Variants in TRERF1 observed in about 807,000 individuals in gnomAD.
TRERF1 encodes the protein transcriptional regulating factor 1.
In TRERF1, 27 loss-of-function variants were observed where a neutral mutation model predicts 122.9. The ratio of observed to expected loss-of-function variants is 0.22; its 90% CI spans 0.16 to 0.30. TRERF1 has a LOEUF of 0.30. TRERF1 is among the 10% of genes least tolerant of loss of function. The pLI, the probability that TRERF1 is intolerant of heterozygous loss-of-function variation, is 1.00. For synonymous variants in TRERF1, 636 were observed against 641.7 expected, an observed-to-expected ratio of 0.99 and a Z score of 0.13; for missense variants, 1,248 against 1,560.3, an observed-to-expected ratio of 0.80 and a Z score of 3.37.
At chr6:42,385,434 C>T (rs1161695432) in intron 2 of TRERF1, among the ~76,000 whole-genome samples, 1 of 152,198 alleles carries the variant, frequency 6.6e-6, no homozygotes, top group Non-Finnish European at 1.5e-5. Context: ...ACTGGGGCCA[C>T]CACCACCCTG....
chr6:42,435,959 G>A (rs1232180057), intron 2 of TRERF1, among the ~76,000 whole-genome samples: 3 of 151,968 alleles, frequency 2.0e-5, no homozygotes, highest in Admixed American at 6.6e-5. Flanking sequence ...CAGCCCAGGC[G>A]ACAGTGCGAG....
At chr6:42,385,596 C>T (rs1320784927) in intron 2 of TRERF1, among the ~76,000 whole-genome samples, 2 of 152,130 alleles carry the variant, frequency 1.3e-5, no homozygotes, top group African/African-American at 4.8e-5. Flanking sequence ...CGAAACCTAT[C>T]GGGAGTGGCA....
At chr6:42,351,150 TC>T (rs1385075746) in intron 3 of TRERF1, among the ~76,000 whole-genome samples, 1 of 152,194 alleles carries the variant, frequency 6.6e-6, no homozygotes, top group Non-Finnish European at 1.5e-5. Flanking sequence ...TTCACGATAG[TC>T]AAGGATGCCC....
rs770580203 is a variant in TRERF1 at position 42,243,233 on chromosome 6, A to C, written c.2859+15T>G. ...GCTGTCCCAGCACAAGCAACAACTT[A>C]GCAGCTTCACTCACCACACAATCGT... On this transcript the variant is annotated intron_variant, in intron 15 of 17. Coordinates refer to ENST00000372922, the Ensembl canonical transcript of TRERF1. 8 of 1,607,838 alleles carry C rather than the reference A, an allele frequency of 5.0e-6. No individual in the cohort carries two copies. Among genetic ancestry groups the C allele is most frequent in the Non-Finnish European group, 6.8e-6 (8 of 1,174,448 alleles).
intron 3 of TRERF1, among the ~76,000 whole-genome samples, chr6:42,320,830 C>T (rs1290499814): frequency 6.6e-6 from 1 of 151,990 alleles, no homozygotes; most frequent in Admixed American, 6.6e-5. Flanking sequence ...TTTTAAAAGG[C>T]ATAACTTCAA....
intron 3 of TRERF1, among the ~76,000 whole-genome samples, chr6:42,313,406 C>T (rs960524767): frequency 1.3e-5 from 2 of 152,162 alleles, no homozygotes; most frequent in African/African-American, 4.8e-5. Flanking sequence ...GCCAGGAACT[C>T]AATTGCTAAG....
chr6:42,336,424 A>G (rs1410716292), intron 3 of TRERF1, among the ~76,000 whole-genome samples: 2 of 152,034 alleles, frequency 1.3e-5, no homozygotes, highest in Non-Finnish European at 1.5e-5. Context: ...AGCCTCTGAG[A>G]TCATCATAGA....
intron 14 of TRERF1, among the ~76,000 whole-genome samples, chr6:42,244,173 C>T (rs1345028981): frequency 6.6e-6 from 1 of 150,906 alleles, no homozygotes. Context: ...TGAGTCACAA[C>T]ACCCATTCCA....
intron 2 of TRERF1, among the ~76,000 whole-genome samples, chr6:42,422,734 C>G (rs73733196): frequency 0.042 from 6,429 of 152,064 alleles, 462 homozygotes; most frequent in African/African-American, 0.15. Flanking sequence ...ACTCTGTGCC[C>G]CTTCCATCAC....
intron 2 of TRERF1, among the ~76,000 whole-genome samples, chr6:42,392,812 T>C (rs1285238427): frequency 6.6e-6 from 1 of 152,138 alleles, no homozygotes; most frequent in Non-Finnish European, 1.5e-5. Context: ...AGGTGACCTA[T>C]AAATTCAAAC....
chr6:42,267,363 G>A (rs1779397902), intron 5 of TRERF1, among the ~76,000 whole-genome samples: 1 of 152,126 alleles, frequency 6.6e-6, no homozygotes, highest in South Asian at 2.1e-4. Flanking sequence ...AGGCACAGTG[G>A]CTCACACCTG....
Position 42,277,912 on chromosome 6 carries a change from GAAGAA to G in TRERF1, c.-258-8069_-258-8065del, listed in dbSNP as rs1387620673. Among the ~76,000 whole-genome samples, 119 of 72,434 alleles carry G rather than the reference GAAGAA, an allele frequency of 1.6e-3. 1 individual carries two copies. Among genetic ancestry groups the G allele is most frequent in the Middle Eastern group, 6.0e-3 (1 of 166 alleles). The allele number at this position is 72,434 out of a possible 152,430, so 47.5% of individuals were successfully genotyped here. A position where few individuals can be genotyped will look rare whatever the true frequency, so the allele number is the denominator to read the frequency against. On this transcript the variant is annotated intron_variant, in intron 4 of 17. Coordinates refer to ENST00000372922, the Ensembl canonical transcript of TRERF1. Reference sequence around the variant, plus strand: ...AGAAGGAAGAAGGAAGAAGGAAGAAGAAGAAGAAGAAGAAGAAGAAGAAGAAGAAG... The same window carrying G: ...AGAAGGAAGAAGGAAGAAGGAAGAAGGAAGAAGAAGAAGAAGAAGAAGAAG...
At chr6:42,305,293 T>C (rs1321475310) in intron 3 of TRERF1, among the ~76,000 whole-genome samples, 4 of 152,070 alleles carry the variant, frequency 2.6e-5, no homozygotes, top group Non-Finnish European at 4.4e-5. Flanking sequence ...CCCTGGAGGG[T>C]TGTGTGACTT....
Position 42,269,910 on chromosome 6 carries a change from G to T in TRERF1, c.-258-62C>A. The stretch of plus-strand genomic sequence containing the variant: ...TTTGGATGTTTTGTGATGAGCAATT[G>T]ATATCCACCATGACCAGTGATAAAA... On this transcript the variant is annotated intron_variant, in intron 4 of 17. Transcript: ENST00000372922. This position sits in a 1 kb window ranked among gnomAD's most constrained non-coding sequence, Gnocchi z 4.9. The T allele has an allele frequency of 3.0e-6, 1 of 336,534 alleles. No individual in the cohort carries two copies. The highest frequency in any genetic ancestry group is 6.2e-5 in the South Asian group (1 of 16,166). 20.8% of individuals were successfully genotyped at this position (336,534 alleles called of 1,614,324 possible).
intron 2 of TRERF1, among the ~76,000 whole-genome samples, chr6:42,408,314 T>TGTGTGTGTATGTATATATACTC (rs1491462682): frequency 1.0e-4 from 13 of 129,006 alleles, no homozygotes; most frequent in African/African-American, 4.1e-4. Flanking sequence ...TACATACTCA[T>TGTGTGTGTATGTATATATACTC]GTGTGTGTAT....
chr6:42,228,702 T>C lies in TRERF1; in HGVS notation c.3279-33A>G. On this transcript the variant is annotated intron_variant, in intron 17 of 17. Transcript: ENST00000372922. The surrounding 1 kb of genome is among the most constrained non-coding windows in gnomAD (Gnocchi z 4.2). ...TAAAGAAAGAGAGGTGTGTAGAATT[T>C]AGAAGGAGATCTGAGTTCTTGGAAA... 1 of 1,545,798 alleles carries C rather than the reference T, an allele frequency of 6.5e-7. No homozygotes were observed. The highest frequency in any genetic ancestry group is 8.7e-7 in the Non-Finnish European group (1 of 1,148,556).
chr6:42,390,568 T>C (rs79942654), intron 2 of TRERF1, among the ~76,000 whole-genome samples: 1 of 152,212 alleles, frequency 6.6e-6, no homozygotes, highest in African/African-American at 2.4e-5. Flanking sequence ...GCGTTCGCAC[T>C]GGTATCACTG....
At position 42,242,567 on chromosome 6, in the gene TRERF1, T is replaced by C. The variant is rs143925241; in HGVS notation, c.2859+681A>G. 1.7e-3 allele frequency among the ~76,000 whole-genome samples: 263 copies of C among 152,302 alleles called. 2 individuals carry two copies. Among genetic ancestry groups the C allele is most frequent in the African/African-American group, 5.9e-3 (245 of 41,558 alleles). Reference sequence around the variant, plus strand: ...CTATGGATGCAGGGTGGAGAGTTAATTGCAAGGATCACAAGTGATAGTAAT... The same window carrying C: ...CTATGGATGCAGGGTGGAGAGTTAACTGCAAGGATCACAAGTGATAGTAAT... On this transcript the variant is annotated intron_variant, in intron 15 of 17. Transcript: ENST00000372922.
At chr6:42,395,424 G>C (rs759535676) in intron 2 of TRERF1, among the ~76,000 whole-genome samples, 1 of 152,120 alleles carries the variant, frequency 6.6e-6, no homozygotes, top group Non-Finnish European at 1.5e-5. Flanking sequence ...ACAACAGGAG[G>C]GGGACAGAGG....
Sources: gnomAD v4.1 joint callset for allele counts (sites outside exome capture counted in the v4.1 genomes callset) on GRCh38, gnomAD v4.1.1 for gene constraint, Gnocchi (gnomAD v3.1) non-coding constraint, MANE v1.5 for transcripts, NCBI Gene and HGNC (gene_info 2026-07-23, HGNC 2026-07-21) for gene names.